ALG3: variants seen among roughly 807,000 people sequenced by gnomAD.
The protein encoded by ALG3 is ALG3 alpha-1,3- mannosyltransferase.
Under a neutral mutation model 50.5 loss-of-function variants are expected in ALG3, and 39 were observed. The observed-to-expected ratio is 0.77, with a 90% CI of 0.60 to 1.01. The LOEUF is 1.01. Among genes scored for constraint, ALG3 ranks in the 50% least tolerant of loss-of-function variants. The pLI is 0.00. For missense variants in ALG3, 520 were observed against 554.8 expected, an observed-to-expected ratio of 0.94 and a Z score of 0.63; for synonymous variants, 252 against 237.2, an observed-to-expected ratio of 1.06 and a Z score of -0.58.
In ALG3 at chr3:184,248,845, C is replaced by T. The variant is rs767183595; in HGVS notation, c.96G>A (p.Arg32=). The T allele has an allele frequency of 1.2e-6, 2 of 1,608,314 alleles. No homozygotes were observed. The highest frequency in any genetic ancestry group is 1.1e-5 in the South Asian group (1 of 90,848). Residue 32 remains arginine (R), a synonymous_variant, in exon 1 of 9, where the codon CGG becomes CGA. Transcript: ENST00000397676. ...KQWLQRAWQE[R]RLLLREPRYT... is the part of the protein sequence containing the mutation. ...AGCGCGGCTCCCGCAGCAGCAGGCG[C>T]CGCTCTTGCCAGGCGCGCTGCAGCC... is the stretch of plus-strand genomic sequence containing the variant.
intron 1 of ALG3, 65 bp from the exon 2 acceptor site, chr3:184,245,877 C>A: frequency 7.9e-7 from 1 of 1,266,334 alleles, no homozygotes; most frequent in East Asian, 2.4e-5. Flanking sequence ...CCTCCCCATG[C>A]CTCCAGACCA....
chr3:184,244,816 T>TC (rs1315653399), intron 4 of ALG3, 95 bp from the exon 5 acceptor site: 55 of 1,447,784 alleles, frequency 3.8e-5, no homozygotes, highest in East Asian at 1.8e-4. Context: ...CACAGCAACC[T>TC]CCCCCCCGCC....
upstream of ALG3, chr3:184,249,047 C>T (rs1210338173): frequency 5.3e-6 from 8 of 1,511,194 alleles, no homozygotes; most frequent in Admixed American, 2.0e-5. Context: ...AAGCGCCGAT[C>T]CGAGTAGCCA....
chr3:184,244,588 G>T lies in ALG3; in HGVS notation c.726+13C>A. 2 of 1,605,920 alleles carry T rather than the reference G, an allele frequency of 1.2e-6. No individual in the cohort carries two copies. Among genetic ancestry groups the T allele is most frequent in the Non-Finnish European group, 1.7e-6 (2 of 1,176,388 alleles). On this transcript the variant is annotated intron_variant, in intron 5 of 8. Coordinates refer to ENST00000397676, the MANE Select transcript of ALG3 (RefSeq NM_005787.6). ...CTCCTTGATTAGAAAGAGGAAGGGTGAGATGGGGGTACCTGAAGGCCAGCA... is the reference window on the plus strand; with the variant it reads ...CTCCTTGATTAGAAAGAGGAAGGGTTAGATGGGGGTACCTGAAGGCCAGCA...
Position 184,242,962 on chromosome 3 carries a change from G to A in ALG3, c.1010-5C>T. The stretch of plus-strand genomic sequence containing the variant: ...TGAAGAGGGTAGAAACGATCTGTAT[G>A]CGGTGGTCAAGGCCAAGGGCAGGAG... On this transcript the variant is annotated splice_polypyrimidine_tract_variant and splice_region_variant and intron_variant, in intron 7 of 8. Coordinates refer to ENST00000397676, the MANE Select transcript of ALG3 (RefSeq NM_005787.6). The A allele has an allele frequency of 6.2e-7, 1 of 1,613,046 alleles. No homozygotes were observed. The highest frequency in any genetic ancestry group is 8.5e-7 in the Non-Finnish European group (1 of 1,179,770).
intron 1 of ALG3, among the ~76,000 whole-genome samples, chr3:184,247,144 T>C (rs1428511330): frequency 6.6e-6 from 1 of 152,008 alleles, no homozygotes; most frequent in East Asian, 1.9e-4. Context: ...CCTCAGGTGA[T>C]CTGCCCGCCT....
chr3:184,244,330 G>A, intron 5 of ALG3: 4 of 539,420 alleles, frequency 7.4e-6, no homozygotes, highest in Non-Finnish European at 1.3e-5. Context: ...GATTGCTTGA[G>A]CCCAGGAGTT....
intron 1 of ALG3, among the ~76,000 whole-genome samples, chr3:184,247,969 C>T (rs1719256349): frequency 6.6e-6 from 1 of 151,796 alleles, no homozygotes; most frequent in Non-Finnish European, 1.5e-5. Flanking sequence ...CCTCAGCCTC[C>T]CGAGTAGCTG....
intron 7 of ALG3, chr3:184,243,269 T>C (rs1718934030): frequency 1.7e-6 from 1 of 571,954 alleles, no homozygotes; most frequent in Admixed American, 3.2e-5. Flanking sequence ...AATGTAAGTG[T>C]ACCTCCCTGT....
chr3:184,247,299 T>A (rs1303369644), intron 1 of ALG3, among the ~76,000 whole-genome samples: 1 of 138,680 alleles, frequency 7.2e-6, no homozygotes, highest in Admixed American at 7.2e-5. Context: ...CCAGTCTAAC[T>A]GAATTTTTTT....
In ALG3 at chr3:184,242,616, G is replaced by A. The variant is rs116621135; in HGVS notation, c.1215C>T (p.Ser405=). The A allele has an allele frequency of 2.1e-4, 329 of 1,582,088 alleles. No individual in the cohort carries two copies. Among genetic ancestry groups the A allele is most frequent in the Non-Finnish European group, 2.7e-4 (311 of 1,160,630 alleles). The change falls in exon 9 of 9, where the codon AGC becomes AGT. Residue 405 remains serine, a synonymous_variant. Coordinates refer to ENST00000397676, the MANE Select transcript of ALG3 (RefSeq NM_005787.6). ...CATGGCATATGTGCAGGGCAGCAGA[G>A]CTGCAGGATGTGGAAGGGTATGTGT... ...SWNTYPSTSC[S]SAALHICHAV... is the part of the protein sequence containing the mutation.
rs1719117629 is a variant in ALG3 at position 184,245,809 on chromosome 3, G to C, written c.200C>G (p.Thr67Arg). The C allele has an allele frequency of 6.2e-7, 1 of 1,611,658 alleles. No individual in the cohort carries two copies. The highest frequency in any genetic ancestry group is 1.1e-5 in the South Asian group (1 of 90,846). ...TFWVIHRVAY[T>R]EIDWKAYMAE... ...CATGTAGGCCTTCCAGTCAATCTCT[G>C]TGTCTGGAAGAAGACAAGATGATCT... Residue 67 changes from threonine (T) to arginine (R), a missense_variant, in exon 2 of 9, where the codon ACA becomes AGA. Thr to Arg is a moderately conservative substitution (Grantham distance 71). Coordinates refer to ENST00000397676, the MANE Select transcript of ALG3 (RefSeq NM_005787.6).
chr3:184,243,011 A>T, intron 7 of ALG3, 54 bp from the exon 8 acceptor site: 1 of 1,600,530 alleles, frequency 6.2e-7, no homozygotes, highest in Non-Finnish European at 8.5e-7. Flanking sequence ...GACTATCCCA[A>T]AACAGAGGGG....
intron 1 of ALG3, among the ~76,000 whole-genome samples, chr3:184,246,559 A>T (rs1396342375): frequency 6.6e-6 from 1 of 152,084 alleles, no homozygotes; most frequent in African/African-American, 2.4e-5. Flanking sequence ...AAAGCTTTCA[A>T]ATTCCTTCAT....
intron 1 of ALG3, among the ~76,000 whole-genome samples, chr3:184,247,827 C>T (rs1050413011): frequency 2.6e-5 from 4 of 151,672 alleles, no homozygotes; most frequent in Admixed American, 6.6e-5. Flanking sequence ...TGTCCAGGCC[C>T]GAGTTAGAAA....
At chr3:184,243,661 GC>G in intron 6 of ALG3, 31 bp from the exon 7 acceptor site, 2 of 1,612,414 alleles carry the variant, frequency 1.2e-6, no homozygotes, top group Non-Finnish European at 8.5e-7. Flanking sequence ...CAGTTATCAA[GC>G]CCCTTTTGTG....
At chr3:184,243,268 G>A in intron 7 of ALG3, 1 of 569,218 alleles carries the variant, frequency 1.8e-6, no homozygotes, top group Non-Finnish European at 3.1e-6. Flanking sequence ...AAATGTAAGT[G>A]TACCTCCCTG....
rs1718834884 is a variant in ALG3 at position 184,242,418 on chromosome 3, C to G, written c.*96G>C. 6.8e-7 allele frequency: 1 copy of G among 1,463,176 alleles called. No individual in the cohort carries two copies. The highest frequency in any genetic ancestry group is 9.4e-7 in the Non-Finnish European group (1 of 1,067,330). 90.6% of individuals were successfully genotyped at this position (1,463,176 alleles called of 1,614,324 possible). A position where few individuals can be genotyped will look rare whatever the true frequency, so the allele number is the denominator to read the frequency against. On this transcript the variant is annotated 3_prime_UTR_variant, in exon 9 of 9. Transcript: ENST00000397676. ...TGCCCCCACCTCCATGTAGGTTGCA[C>G]AGAGTTGGACTTAGCAAGGTTTATT...
At chr3:184,245,172 G>A (rs1196884896) in intron 4 of ALG3, 26 bp downstream of exon 4, 1 of 1,613,348 alleles carries the variant, frequency 6.2e-7, no homozygotes, top group Admixed American at 1.7e-5. Context: ...AAAACGAGAG[G>A]GGACCAGAAA....
Sources: allele counts gnomAD v4.1 joint callset (sites outside exome capture counted in the v4.1 genomes callset), GRCh38; gene constraint gnomAD v4.1.1; transcripts MANE v1.5; gene names NCBI Gene and HGNC (gene_info 2026-07-23, HGNC 2026-07-21).